Variants in EVI5 observed in about 807,000 individuals in gnomAD.
EVI5 encodes the protein ecotropic viral integration site 5, also known as ecotropic viral integration site 5 protein homolog.
In EVI5, 73 loss-of-function variants were observed where a neutral mutation model predicts 112.0. That is an observed-to-expected ratio of 0.65 (90% CI 0.54 to 0.79). The LOEUF (loss-of-function observed/expected upper bound fraction) is 0.79, where lower values mean the gene tolerates loss of function less well. EVI5 is among the 30% of genes least tolerant of loss of function. The pLI, the probability that EVI5 is intolerant of heterozygous loss-of-function variation, is 0.00. For missense variants in EVI5, 900 were observed against 968.8 expected, an observed-to-expected ratio of 0.93 and a Z score of 0.94; for synonymous variants, 305 against 319.9, an observed-to-expected ratio of 0.95 and a Z score of 0.50.
intron 11 of EVI5, among the ~76,000 whole-genome samples, chr1:92,664,626 C>T (rs1024227905): frequency 2.0e-5 from 3 of 152,106 alleles, no homozygotes; most frequent in Non-Finnish European, 4.4e-5. Context: ...ACTCTCATAG[C>T]AACCCTAACA....
intron 16 of EVI5, among the ~76,000 whole-genome samples, chr1:92,611,586 CA>C (rs947590807): frequency 3.3e-5 from 5 of 150,124 alleles, no homozygotes; most frequent in Admixed American, 3.3e-4. Flanking sequence ...CCTGTACTCC[CA>C]ACTCGGGAGG....
intron 9 of EVI5, among the ~76,000 whole-genome samples, chr1:92,684,498 TG>T (rs970708859): frequency 2.6e-5 from 4 of 152,178 alleles, no homozygotes; most frequent in African/African-American, 9.7e-5. Context: ...AATCAATTAA[TG>T]GGCAAAATAA....
chr1:92,646,748 C>G (rs371602142), intron 13 of EVI5, among the ~76,000 whole-genome samples: 36 of 152,224 alleles, frequency 2.4e-4, no homozygotes, highest in African/African-American at 8.2e-4. Flanking sequence ...TTTGTCACAC[C>G]AACAGCAAAG....
chr1:92,707,040 A>G (rs1672088332), intron 2 of EVI5, among the ~76,000 whole-genome samples: 1 of 151,738 alleles, frequency 6.6e-6, no homozygotes, highest in South Asian at 2.1e-4. Flanking sequence ...TTAGCCGGGC[A>G]TGGTGGCACA....
intron 18 of EVI5, among the ~76,000 whole-genome samples, chr1:92,581,726 A>C (rs910615291): frequency 1.3e-5 from 2 of 151,774 alleles, no homozygotes; most frequent in African/African-American, 4.8e-5. Context: ...ATTTTGTTAG[A>C]TAGTTGGGGT....
intron 19 of EVI5, among the ~76,000 whole-genome samples, chr1:92,549,713 G>C (rs1216604262): frequency 1.3e-5 from 2 of 152,146 alleles, no homozygotes; most frequent in East Asian, 3.8e-4. Context: ...CTTCTCAAAA[G>C]GAGACATTTA....
chr1:92,660,382 T>C (rs536592804), intron 13 of EVI5, among the ~76,000 whole-genome samples: 2 of 152,036 alleles, frequency 1.3e-5, no homozygotes, highest in South Asian at 4.1e-4. Context: ...GTTGATCTCA[T>C]AGAAACTGAG....
At chr1:92,670,164 T>A (rs186439371) in intron 10 of EVI5, among the ~76,000 whole-genome samples, 1 of 152,292 alleles carries the variant, frequency 6.6e-6, no homozygotes, top group Admixed American at 6.5e-5. Flanking sequence ...TAACTGGCTA[T>A]GGAAATAATA....
In EVI5 at chr1:92,737,622, A is replaced by AC. The variant is rs535499149; in HGVS notation, c.-81-996_-81-995insG. On this transcript the variant is annotated intron_variant, in intron 1 of 19. Coordinates refer to ENST00000684568, the MANE Select transcript of EVI5 (RefSeq NM_001350197.2). Reference sequence around the variant, plus strand: ...TCCATATGAACATATGTACACACACAAAAAAAAATCCTGTCCAGGTCCTGG... The same window carrying AC: ...TCCATATGAACATATGTACACACACACAAAAAAAATCCTGTCCAGGTCCTGG... 2.4e-3 allele frequency among the ~76,000 whole-genome samples: 72 copies of AC among 30,430 alleles called. No homozygotes were observed. The East Asian group carries it at 0.31, about 130-fold the overall frequency. The allele number at this position is 30,430 out of a possible 152,430, so 20.0% of individuals were successfully genotyped here.
upstream of EVI5, among the ~76,000 whole-genome samples, chr1:92,788,456 AGAGT>A (rs946438864): frequency 2.6e-5 from 4 of 151,670 alleles, no homozygotes; most frequent in African/African-American, 9.7e-5. Flanking sequence ...CCTAGGTGAC[AGAGT>A]GAGAGACTCC....
At chr1:92,703,751 A>G in intron 3 of EVI5, 132 bp from the exon 4 acceptor site, 1 of 629,770 alleles carries the variant, frequency 1.6e-6, no homozygotes, top group East Asian at 3.0e-5. Context: ...CTAGCTTTAT[A>G]ATAAGACTAG....
intron 1 of EVI5, among the ~76,000 whole-genome samples, chr1:92,791,181 C>T (rs1368733578): frequency 2.0e-5 from 3 of 152,166 alleles, no homozygotes; most frequent in East Asian, 3.8e-4. Flanking sequence ...CTTGACTTTG[C>T]AAAATACTTG....
At chr1:92,554,170 G>A (rs1667364209) in intron 19 of EVI5, among the ~76,000 whole-genome samples, 1 of 152,196 alleles carries the variant, frequency 6.6e-6, no homozygotes, top group African/African-American at 2.4e-5. Context: ...AGCTGCTACA[G>A]AAAGAAAAAT....
At chr1:92,647,565 T>C in intron 13 of EVI5, 1 of 546,800 alleles carries the variant, frequency 1.8e-6, no homozygotes. Context: ...TTCTCTTATG[T>C]TCTTCTCTGC....
chr1:92,574,974 T>C (rs1332143858), intron 18 of EVI5, among the ~76,000 whole-genome samples: 2 of 152,168 alleles, frequency 1.3e-5, no homozygotes, highest in African/African-American at 4.8e-5. Flanking sequence ...TGCTTACAAG[T>C]TGTGATTTTA....
intron 19 of EVI5, among the ~76,000 whole-genome samples, chr1:92,557,738 T>C (rs1667901039): frequency 6.6e-6 from 1 of 151,960 alleles, no homozygotes; most frequent in African/African-American, 2.4e-5. Context: ...TTTTTTTTTT[T>C]TCTTGAGACA....
chr1:92,567,297 AATTT>A (rs1174307702), intron 18 of EVI5, among the ~76,000 whole-genome samples: 2 of 152,124 alleles, frequency 1.3e-5, no homozygotes. Context: ...AGCTAAGGTT[AATTT>A]ATTATTGAAG....
At chr1:92,557,574 CA>C (rs1320958754) in intron 19 of EVI5, among the ~76,000 whole-genome samples, 1 of 151,694 alleles carries the variant, frequency 6.6e-6, no homozygotes, top group East Asian at 1.9e-4. Context: ...GCTGGGATAA[CA>C]GGCATGAGCC....
At chr1:92,537,746 T>C (rs1379033434) in intron 19 of EVI5, among the ~76,000 whole-genome samples, 2 of 151,688 alleles carry the variant, frequency 1.3e-5, no homozygotes, top group Admixed American at 6.6e-5. Context: ...CATTACTTTA[T>C]TACACAGACA....
Sources: allele counts gnomAD v4.1 joint callset (sites outside exome capture counted in the v4.1 genomes callset), GRCh38; gene constraint gnomAD v4.1.1; transcripts MANE v1.5; gene names NCBI Gene and HGNC (gene_info 2026-07-23, HGNC 2026-07-21).